BTBD3: variants seen among roughly 807,000 people sequenced by gnomAD.
BTBD3 encodes the protein BTB domain containing 3, also known as BTB/POZ domain-containing protein 3.
Under a neutral mutation model 41.6 loss-of-function variants are expected in BTBD3, and 14 were observed. That is an observed-to-expected ratio of 0.34 (90% CI 0.22 to 0.53). The LOEUF (loss-of-function observed/expected upper bound fraction) is 0.53, where lower values mean the gene tolerates loss of function less well. Among genes scored for constraint, BTBD3 ranks in the 20% least tolerant of loss-of-function variants. The pLI is 0.95. For synonymous variants in BTBD3, 249 were observed against 233.7 expected (o/e 1.07, Z -0.60); for missense variants, 426 against 654.7 (o/e 0.65, Z 3.81).
rs181823752 is a variant in BTBD3 at position 11,923,454 on chromosome 20, G to A, written c.1357G>A (p.Val453Ile). The A allele has an allele frequency of 7.9e-5, 127 of 1,614,138 alleles. No homozygotes were observed. The African/African-American group carries it at 1.0e-3, about 13-fold the overall frequency. ...AGATGGGTCCAGCAATACCTTTCCCGTATGGTTTGAATACCCAGTGCAGAT... is the reference window on the plus strand; with the variant it reads ...AGATGGGTCCAGCAATACCTTTCCCATATGGTTTGAATACCCAGTGCAGAT... ...FSDGSSNTFP[V>I]WFEYPVQIEP... The change falls in exon 4 of 4, where the codon GTA becomes ATA. Residue 453 changes from valine to isoleucine, a missense_variant. Physicochemically the swap from Val to Ile is conservative, Grantham distance 29. Around this residue, in one of 3 missense-constraint regions of BTBD3, gnomAD observed 321 missense variants for 534.8 expected, o/e 0.60. Transcript: ENST00000378226. The surrounding 1 kb of genome is among the most constrained non-coding windows in gnomAD (Gnocchi z 5.3).
intron 1 of BTBD3, among the ~76,000 whole-genome samples, chr20:11,908,679 G>T (rs1348053084): frequency 1.3e-5 from 2 of 151,450 alleles, no homozygotes; most frequent in African/African-American, 2.4e-5. Context: ...AATTTTTTTT[G>T]AAATACTCTA....
intron 3 of BTBD3, 95 bp from the exon 4 acceptor site, chr20:11,922,539 T>C (rs2056979637): frequency 9.6e-7 from 1 of 1,042,588 alleles, no homozygotes; most frequent in African/African-American, 1.6e-5. Context: ...CATAAGATGA[T>C]GTTCTCAGAA....
At position 11,890,819 on chromosome 20, in the gene BTBD3, A is replaced by G; in HGVS notation, c.-261A>G. 3.0e-6 allele frequency: 3 copies of G among 985,184 alleles called. No individual in the cohort carries two copies. The African/African-American group carries it at 5.2e-5, about 17-fold the overall frequency. 61.0% of individuals were successfully genotyped at this position (985,184 alleles called of 1,614,324 possible). ...CGGGCACGCGCGCTCGCTCCCGCAG[A>G]GCGTGCCCTGCGTGCGGGTGCCCGC... On this transcript the variant is annotated 5_prime_UTR_variant, in exon 1 of 5. Transcript: ENST00000254977.
chr20:11,923,783 G>A lies in BTBD3; in HGVS notation c.*117G>A, dbSNP rs183602481. 127 of 1,005,938 alleles carry A rather than the reference G, an allele frequency of 1.3e-4. No homozygotes were observed. In the Admixed American group the frequency reaches 1.5e-3, roughly 12 times the overall value. The allele number at this position is 1,005,938 out of a possible 1,614,324, so 62.3% of individuals were successfully genotyped here. On this transcript the variant is annotated 3_prime_UTR_variant, in exon 4 of 4. Transcript: ENST00000378226. The surrounding 1 kb of genome is among the most constrained non-coding windows in gnomAD (Gnocchi z 5.3). ...GCCGGTAATTTGTAATGAATGAAGC[G>A]GTAGGCAGGTTCTAATTTCTTTTAA...
chr20:11,926,431 T>G lies in BTBD3; in HGVS notation c.*2765T>G, dbSNP rs1486226746. On this transcript the variant is annotated 3_prime_UTR_variant, in exon 4 of 4. Transcript: ENST00000378226. ...GTAGCCACTTGTGCATCAGTGTGCT[T>G]GAATTTAGTAGCTTACAGCATTATT... is the stretch of plus-strand genomic sequence containing the variant. 1.3e-5 allele frequency: 2 copies of G among 152,656 alleles called. No homozygotes were observed. Among genetic ancestry groups the G allele is most frequent in the African/African-American group, 2.4e-5 (1 of 41,462 alleles). 9.5% of individuals were successfully genotyped at this position (152,656 alleles called of 1,614,324 possible). A position where few individuals can be genotyped will look rare whatever the true frequency, so the allele number is the denominator to read the frequency against.
chr20:11,897,974 A>G (rs1000092227), intron 1 of BTBD3, among the ~76,000 whole-genome samples: 5 of 152,132 alleles, frequency 3.3e-5, no homozygotes, highest in East Asian at 1.9e-4. Context: ...CCCGGCCAAC[A>G]TGGTGAAACC....
chr20:11,914,627 TAATAA>T (rs1021301049), upstream of BTBD3, among the ~76,000 whole-genome samples: 20 of 150,912 alleles, frequency 1.3e-4, no homozygotes, highest in Middle Eastern at 3.4e-3. Flanking sequence ...AGTATAATAA[TAATAA>T]AATAAAAAAA....
At chr20:11,891,052 G>A (rs1016418998) in intron 1 of BTBD3, 2 of 874,672 alleles carry the variant, frequency 2.3e-6, no homozygotes, top group African/African-American at 3.6e-5. Flanking sequence ...CCGGCCGGAG[G>A]GGCCGAGCGA....
At chr20:11,891,080 C>G (rs1367297039) in intron 1 of BTBD3, 1 of 666,522 alleles carries the variant, frequency 1.5e-6, no homozygotes, top group Non-Finnish European at 1.9e-6. Flanking sequence ...AGAGGCCGGG[C>G]TGGTGGCCGC....
chr20:11,909,324 G>C (rs1344718398), intron 1 of BTBD3: 2 of 150,912 alleles, frequency 1.3e-5, no homozygotes, highest in African/African-American at 4.9e-5. Flanking sequence ...TTTGGTTCTA[G>C]AAGAGCTTTT....
chr20:11,900,753 G>C (rs1184744548), intron 1 of BTBD3, among the ~76,000 whole-genome samples: 3 of 148,802 alleles, frequency 2.0e-5, no homozygotes, highest in Non-Finnish European at 4.4e-5. Flanking sequence ...TGTCGCCCAG[G>C]CTGGAGTGCA....
chr20:11,905,803 A>C (rs991846487), intron 1 of BTBD3, among the ~76,000 whole-genome samples: 1 of 152,232 alleles, frequency 6.6e-6, no homozygotes, highest in Non-Finnish European at 1.5e-5. Flanking sequence ...TGTTAGGAGC[A>C]AATGATCCCT....
intron 3 of BTBD3, among the ~76,000 whole-genome samples, chr20:11,920,317 T>G (rs2056958464): frequency 6.6e-6 from 1 of 152,206 alleles, no homozygotes; most frequent in South Asian, 2.1e-4. Flanking sequence ...GTTGAAATAA[T>G]CTGATCTTTG....
At position 11,923,210 on chromosome 20, in the gene BTBD3, C is replaced by G. The variant is rs778733657; in HGVS notation, c.1113C>G (p.Val371=). Residue 371 remains valine, a synonymous_variant, in exon 4 of 4, where the codon GTC becomes GTG. Coordinates refer to ENST00000378226, the MANE Select transcript of BTBD3 (RefSeq NM_014962.4). The surrounding 1 kb of genome is among the most constrained non-coding windows in gnomAD (Gnocchi z 5.3). ...TGAGTAAAGCCCGTAAGGGCCTTGTCCCCCAGCGCTGTCACCGTTTCCAGT... is the reference window on the plus strand; with the variant it reads ...TGAGTAAAGCCCGTAAGGGCCTTGTGCCCCAGCGCTGTCACCGTTTCCAGT... The part of the protein sequence containing the change: ...QFVSKARKGL[V]PQRCHRFQSC... 1.2e-6 allele frequency: 2 copies of G among 1,614,088 alleles called. No individual in the cohort carries two copies. The highest frequency in any genetic ancestry group is 1.7e-6 in the Non-Finnish European group (2 of 1,180,040).
At chr20:11,898,365 C>T (rs577790295) in intron 1 of BTBD3, among the ~76,000 whole-genome samples, 40 of 152,102 alleles carry the variant, frequency 2.6e-4, no homozygotes, top group Non-Finnish European at 4.9e-4. Context: ...TATCCTACCC[C>T]CCCAGCCACC....
intron 1 of BTBD3, among the ~76,000 whole-genome samples, chr20:11,908,924 G>A (rs771048046): frequency 1.3e-5 from 2 of 152,116 alleles, no homozygotes; most frequent in Non-Finnish European, 2.9e-5. Context: ...AACAGTTGAT[G>A]GGGATTGTAT....
chr20:11,926,261 A>C lies in BTBD3; in HGVS notation c.*2595A>C, dbSNP rs2057018699. ...GTTGTTCATTCTGGGGATAAAGGGG[A>C]ACTAGGCTAGCAGTTCTAATGTGAC... is the stretch of plus-strand genomic sequence containing the variant. On this transcript the variant is annotated 3_prime_UTR_variant, in exon 4 of 4. Transcript: ENST00000378226. The C allele has an allele frequency of 6.6e-6, 1 of 152,636 alleles. No homozygotes were observed. 9.5% of individuals were successfully genotyped at this position (152,636 alleles called of 1,614,324 possible). A position where few individuals can be genotyped will look rare whatever the true frequency, so the allele number is the denominator to read the frequency against.
intron 1 of BTBD3, among the ~76,000 whole-genome samples, chr20:11,903,775 T>C (rs986900032): frequency 3.3e-5 from 5 of 151,966 alleles, no homozygotes; most frequent in African/African-American, 9.7e-5. Context: ...CCCAGCTAAT[T>C]TTTTGTATTT....
rs2056996290 is a variant in BTBD3 at position 11,924,026 on chromosome 20, A to G, written c.*360A>G. ...TTTCCTTTTGGACGTTATTTGATGAACAGAAATAAAGTGATAACAAGAGTT... is the reference window on the plus strand; with the variant it reads ...TTTCCTTTTGGACGTTATTTGATGAGCAGAAATAAAGTGATAACAAGAGTT... On this transcript the variant is annotated 3_prime_UTR_variant, in exon 4 of 4. Transcript: ENST00000378226. 5.7e-5 allele frequency: 11 copies of G among 193,786 alleles called. No individual in the cohort carries two copies. The highest frequency in any genetic ancestry group is 5.4e-4 in the Admixed American group (10 of 18,660). 12.0% of individuals were successfully genotyped at this position (193,786 alleles called of 1,614,324 possible). A position where few individuals can be genotyped will look rare whatever the true frequency, so the allele number is the denominator to read the frequency against.
Sources: gnomAD v4.1 joint callset for allele counts (sites outside exome capture counted in the v4.1 genomes callset) on GRCh38, gnomAD v4.1.1 for gene constraint, gnomAD v4.1.1 regional missense constraint, Gnocchi (gnomAD v3.1) non-coding constraint, MANE v1.5 for transcripts, NCBI Gene and HGNC (gene_info 2026-07-23, HGNC 2026-07-21) for gene names.